CC2D2A: variants seen among roughly 807,000 people sequenced by gnomAD.
CC2D2A encodes the protein coiled-coil and C2 domain containing 2A, also known as coiled-coil and C2 domain-containing protein 2A.
CC2D2A carries 155 observed loss-of-function variants against 212.9 expected under a neutral mutation model. That is an observed-to-expected ratio of 0.73 (90% confidence interval 0.64 to 0.83). The LOEUF (loss-of-function observed/expected upper bound fraction) is 0.83, where lower values mean the gene tolerates loss of function less well. Ranked by LOEUF, CC2D2A falls within the 40% of genes least tolerant of loss-of-function variation. The pLI is 0.00. For missense variants in CC2D2A, 1,856 were observed against 1,956.2 expected, an observed-to-expected ratio of 0.95 and a Z score of 0.97; for synonymous variants, 667 against 686.5, an observed-to-expected ratio of 0.97 and a Z score of 0.44.
chr4:15,551,451 A>G (rs1719003082), intron 18 of CC2D2A, among the ~76,000 whole-genome samples: 1 of 152,010 alleles, frequency 6.6e-6, no homozygotes, highest in Non-Finnish European at 1.5e-5. Flanking sequence ...ATGTTTCTTA[A>G]CCTTTCTTCA....
intron 23 of CC2D2A, among the ~76,000 whole-genome samples, chr4:15,561,417 G>A (rs1033473143): frequency 6.6e-6 from 1 of 152,160 alleles, no homozygotes; most frequent in African/African-American, 2.4e-5. Context: ...ATAGAAAGGA[G>A]GCTACACCCA....
chr4:15,500,107 G>GTGTGTGTATATA (rs1479141284), intron 4 of CC2D2A, among the ~76,000 whole-genome samples: 159 of 112,916 alleles, frequency 1.4e-3, no homozygotes, highest in Admixed American at 2.2e-3. Flanking sequence ...GTGTGTGTGT[G>GTGTGTGTATATA]TATATATATA....
intron 4 of CC2D2A, among the ~76,000 whole-genome samples, chr4:15,500,099 G>A (rs375553995): frequency 0.017 from 1,186 of 69,236 alleles, 21 homozygotes; most frequent in African/African-American, 0.049. Context: ...GTGTGTGTGT[G>A]TGTGTGTGTA....
Position 15,557,400 on chromosome 4 carries a change from TC to T in CC2D2A, c.2724del (p.Lys909AsnfsTer46). On this transcript the variant is annotated frameshift_variant, in exon 21 of 37. Coordinates refer to ENST00000424120, the MANE Select transcript of CC2D2A (RefSeq NM_001378615.1). LOFTEE classifies it high-confidence loss of function. ...TGTTTCAGATCAAGAATTAAATAGA[TC>T]CAAACGATTTAGGCTTCTTCATCTT... ...NFVSDQELNRSKRFRLLHLRS... is the reference protein window; with the variant it reads ...NFVSDQELNRXKRFRLLHLRS... 1 of 1,613,548 alleles carries T rather than the reference TC, an allele frequency of 6.2e-7. No individual in the cohort carries two copies. The highest frequency in any genetic ancestry group is 8.5e-7 in the Non-Finnish European group (1 of 1,179,662).
rs1282492907 is a variant in CC2D2A, at chr4:15,533,129, T to C, written c.1467-64T>C. On this transcript the variant is annotated intron_variant, in intron 13 of 36. Coordinates refer to ENST00000424120, the MANE Select transcript of CC2D2A (RefSeq NM_001378615.1). ...TGAATATACAATCACTGTAGCATTATTAATTTCTTTTGCAAACACACCTGA... is the reference window on the plus strand; with the variant it reads ...TGAATATACAATCACTGTAGCATTACTAATTTCTTTTGCAAACACACCTGA... 1.0e-5 allele frequency: 14 copies of C among 1,350,326 alleles called. No homozygotes were observed. The East Asian group carries it at 3.5e-4, about 33-fold the overall frequency. 83.6% of individuals were successfully genotyped at this position (1,350,326 alleles called of 1,614,324 possible).
At chr4:15,496,008 A>T (rs1715594470) in intron 4 of CC2D2A, among the ~76,000 whole-genome samples, 1 of 152,154 alleles carries the variant, frequency 6.6e-6, no homozygotes, top group Non-Finnish European at 1.5e-5. Context: ...AGCATTTTTC[A>T]AATGTTTGTT....
intron 4 of CC2D2A, among the ~76,000 whole-genome samples, chr4:15,490,106 T>G (rs2108985351): frequency 6.6e-6 from 1 of 152,360 alleles, no homozygotes; most frequent in African/African-American, 2.4e-5. Context: ...CATCCACTTT[T>G]GCACATCTAA....
rs747071689 is a variant in CC2D2A at position 15,479,340 on chromosome 4, G to A, written c.123+534G>A. On this transcript the variant is annotated intron_variant, in intron 3 of 36. Coordinates refer to ENST00000424120, the MANE Select transcript of CC2D2A (RefSeq NM_001378615.1). ...TAAATCTTTTCAAGGTAAGTCCTTG[G>A]TAAGAAGTTGTCCTCTGAGAAGGGA... 2.3e-5 allele frequency: 35 copies of A among 1,523,340 alleles called. No homozygotes were observed. The South Asian group carries it at 3.2e-4, about 14-fold the overall frequency. The allele number at this position is 1,523,340 out of a possible 1,614,324, so 94.4% of individuals were successfully genotyped here.
At chr4:15,480,494 A>G (rs1389850200) in intron 3 of CC2D2A, among the ~76,000 whole-genome samples, 1 of 152,172 alleles carries the variant, frequency 6.6e-6, no homozygotes, top group Non-Finnish European at 1.5e-5. Flanking sequence ...GGACGCCTTG[A>G]TAATTTCACA....
Position 15,586,196 on chromosome 4 carries a change from C to G in CC2D2A, c.4015C>G (p.Pro1339Ala), listed in dbSNP as rs781057021. The change falls in exon 31 of 37, where the codon CCT (proline) becomes GCT (alanine). Residue 1339 changes from proline to alanine, a missense_variant. By Grantham distance (27) the Pro-to-Ala change is conservative. Transcript: ENST00000424120. ...ATATGTGTCCTTGATTCCCTTCTTG[C>G]CTGACACTGTCTCATTTGGTGGTAT... ...ARYVSLIPFL[P>A]DTVSFGGICD... The G allele has an allele frequency of 1.2e-6, 2 of 1,609,856 alleles. No individual in the cohort carries two copies. Among genetic ancestry groups the G allele is most frequent in the Non-Finnish European group, 1.7e-6 (2 of 1,177,244 alleles).
chr4:15,493,807 T>C (rs1332715789), intron 4 of CC2D2A, among the ~76,000 whole-genome samples: 2 of 152,216 alleles, frequency 1.3e-5, no homozygotes, highest in Non-Finnish European at 2.9e-5. Context: ...AGAATATTTG[T>C]TGGTTGAATG....
At chr4:15,588,927 C>A (rs945517731) in intron 32 of CC2D2A, among the ~76,000 whole-genome samples, 3 of 151,552 alleles carry the variant, frequency 2.0e-5, no homozygotes, top group African/African-American at 4.8e-5. Context: ...TAAAAAAATT[C>A]TCATTGTAAA....
At chr4:15,582,974 TA>T (rs1280209288) in intron 30 of CC2D2A, among the ~76,000 whole-genome samples, 1 of 151,970 alleles carries the variant, frequency 6.6e-6, no homozygotes, top group African/African-American at 2.4e-5. Context: ...AATAATATAT[TA>T]AAAAAATAAT....
intron 2 of CC2D2A, among the ~76,000 whole-genome samples, chr4:15,477,453 ACG>A (rs1349904221): frequency 6.6e-6 from 1 of 152,218 alleles, no homozygotes; most frequent in Non-Finnish European, 1.5e-5. Context: ...CATGGAACTT[ACG>A]TTCTATCTTA....
intron 17 of CC2D2A, among the ~76,000 whole-genome samples, chr4:15,544,929 T>G (rs1314428354): frequency 6.6e-6 from 1 of 152,228 alleles, no homozygotes; most frequent in African/African-American, 2.4e-5. Flanking sequence ...ATAAGCTTGG[T>G]CCTAAAAACT....
intron 6 of CC2D2A, among the ~76,000 whole-genome samples, chr4:15,505,200 G>A (rs1449959410): frequency 6.6e-6 from 1 of 152,148 alleles, no homozygotes; most frequent in South Asian, 2.1e-4. Context: ...GGAATACTTT[G>A]GTCAGTAATC....
intron 6 of CC2D2A, among the ~76,000 whole-genome samples, chr4:15,507,831 T>C (rs1183615913): frequency 6.6e-6 from 1 of 152,184 alleles, no homozygotes; most frequent in Non-Finnish European, 1.5e-5. Context: ...CTAAAGTCTG[T>C]CCAAGTGTGT....
intron 13 of CC2D2A, among the ~76,000 whole-genome samples, chr4:15,528,958 C>G (rs748533995): frequency 6.6e-6 from 1 of 152,146 alleles, no homozygotes; most frequent in East Asian, 1.9e-4. Flanking sequence ...CTACAGCTAC[C>G]GCTTCTGAGA....
At chr4:15,475,648 T>G (rs529697793) in intron 1 of CC2D2A, among the ~76,000 whole-genome samples, 7 of 152,170 alleles carry the variant, frequency 4.6e-5, no homozygotes, top group African/African-American at 1.4e-4. Flanking sequence ...AAATGGTCCT[T>G]CTGGAGCTGG....
Sources: gnomAD v4.1 joint callset for allele counts (sites outside exome capture counted in the v4.1 genomes callset) on GRCh38, gnomAD v4.1.1 for gene constraint, MANE v1.5 for transcripts, NCBI Gene and HGNC (gene_info 2026-07-23, HGNC 2026-07-21) for gene names.